DUSP15: variants seen among roughly 807,000 people sequenced by gnomAD.
The protein encoded by DUSP15 is dual specificity protein phosphatase 15.
A neutral mutation model predicts 26.3 loss-of-function variants in DUSP15; 23 were observed. The ratio of observed to expected loss-of-function variants is 0.87; its 90% confidence interval spans 0.63 to 1.24. DUSP15 has a LOEUF of 1.24. Ranked by LOEUF, DUSP15 falls within the 50% of genes most tolerant of loss-of-function variation. The pLI is 0.00. For missense variants in DUSP15, 364 were observed against 320.6 expected, an observed-to-expected ratio of 1.14 and a Z score of -1.03; for synonymous variants, 143 against 135.5, an observed-to-expected ratio of 1.06 and a Z score of -0.39.
At chr20:31,869,348 A>G (rs2062857148) in intron 2 of DUSP15, among the ~76,000 whole-genome samples, 1 of 152,178 alleles carries the variant, frequency 6.6e-6, no homozygotes, top group Non-Finnish European at 1.5e-5. Context: ...TGTCAGTGTC[A>G]GGCCCCCATG....
Position 31,865,005 on chromosome 20 carries a change from G to A in DUSP15, c.139-3C>T, listed in dbSNP as rs2062736270. The A allele has an allele frequency of 6.2e-7, 1 of 1,614,064 alleles. No homozygotes were observed. Among genetic ancestry groups the A allele is most frequent in the Non-Finnish European group, 8.5e-7 (1 of 1,180,002 alleles). ...GGGATGCGAAGGTAGGTGATATCCT[G>A]CAAGTACAAAATACACTCAGGCAGG... On this transcript the variant is annotated splice_region_variant and splice_polypyrimidine_tract_variant and intron_variant, in intron 3 of 6. Transcript: ENST00000339738.
At position 31,870,498 on chromosome 20, in the gene DUSP15, G is replaced by A; in HGVS notation, c.-161C>T. The A allele has an allele frequency of 1.4e-6, 2 of 1,388,972 alleles. No individual in the cohort carries two copies. The highest frequency in any genetic ancestry group is 1.9e-6 in the Non-Finnish European group (2 of 1,075,250). 86.0% of individuals were successfully genotyped at this position (1,388,972 alleles called of 1,614,324 possible). On this transcript the variant is annotated 5_prime_UTR_variant, in exon 1 of 7. Coordinates refer to ENST00000339738, the MANE Select transcript of DUSP15 (RefSeq NM_080611.5). This position sits in a 1 kb window ranked among gnomAD's most constrained non-coding sequence, Gnocchi z 6.6. ...CCAGCCCTGCCCAGCCACCGCCACC[G>A]CCCGCCGACCCCCGGCCCGGGAGGG... is the stretch of plus-strand genomic sequence containing the variant.
At chr20:31,870,602 T>C, upstream of DUSP15, 2 of 1,384,864 alleles carry the variant, frequency 1.4e-6, no homozygotes, top group South Asian at 1.7e-5. The surrounding 1 kb of genome is among the most constrained non-coding windows in gnomAD (Gnocchi z 6.6). Context: ...GGCCCCCGCC[T>C]CGGGTCGCGG....
In DUSP15 at chr20:31,848,697, G is replaced by C. The variant is rs1263693325; in HGVS notation, c.726+109C>G. The C allele has an allele frequency of 4.8e-6, 7 of 1,464,884 alleles. No homozygotes were observed. The South Asian group carries it at 9.3e-5, about 20-fold the overall frequency. The allele number at this position is 1,464,884 out of a possible 1,614,324, so 90.7% of individuals were successfully genotyped here. On this transcript the variant is annotated intron_variant, in intron 9 of 9. Coordinates refer to the DUSP15 transcript ENST00000278979. ...CCAGGTAGGGTCCTACAGACCCGAG[G>C]GTGCTAGAAGTGTCAGAGGCAGAGC...
Position 31,849,878 on chromosome 20 carries a change from T to C in DUSP15, c.492-4A>G, listed in dbSNP as rs747723335. ...AGCCACACGTGCAGCCAGCAGGCTG[T>C]GGGGCGAGAGAGGGTGCACGGGCTG... On this transcript the variant is annotated splice_region_variant and splice_polypyrimidine_tract_variant and intron_variant, in intron 7 of 9. Transcript: ENST00000278979. 1.3e-5 allele frequency: 20 copies of C among 1,492,118 alleles called. No individual in the cohort carries two copies. In the African/African-American group the frequency reaches 2.6e-4, roughly 19 times the overall value. The allele number at this position is 1,492,118 out of a possible 1,614,324, so 92.4% of individuals were successfully genotyped here.
Position 31,870,300 on chromosome 20 carries a change from C to A in DUSP15, c.21+17G>T. The A allele has an allele frequency of 1.6e-6, 2 of 1,236,756 alleles. No individual in the cohort carries two copies. Among genetic ancestry groups the A allele is most frequent in the Non-Finnish European group, 2.0e-6 (2 of 990,478 alleles). 76.6% of individuals were successfully genotyped at this position (1,236,756 alleles called of 1,614,324 possible). A position where few individuals can be genotyped will look rare whatever the true frequency, so the allele number is the denominator to read the frequency against. On this transcript the variant is annotated intron_variant, in intron 1 of 6. Transcript: ENST00000339738. This position sits in a 1 kb window ranked among gnomAD's most constrained non-coding sequence, Gnocchi z 6.6. ...CGGGGCGGGGACCGGGGAGGCTGCG[C>A]GGGGCCCGCCCCCTACCTTGGTCAT...
In DUSP15 at chr20:31,868,726, C is replaced by T. The variant is rs538067232; in HGVS notation, c.55+838G>A. Among the ~76,000 whole-genome samples, 7 of 152,180 alleles carry T rather than the reference C, an allele frequency of 4.6e-5. No homozygotes were observed. In the East Asian group the frequency reaches 1.2e-3, roughly 25 times the overall value. ...AACTCCTGACCTCAGGTGGTCTGCC[C>T]GCCTCCGCCTCCCAAAGTGCTGGGA... On this transcript the variant is annotated intron_variant, in intron 2 of 6. Coordinates refer to ENST00000339738, the MANE Select transcript of DUSP15 (RefSeq NM_080611.5).
intron 6 of DUSP15, among the ~76,000 whole-genome samples, chr20:31,853,398 A>T (rs1282653868): frequency 2.6e-5 from 4 of 152,206 alleles, no homozygotes; most frequent in African/African-American, 7.2e-5. Context: ...AGATGATTTT[A>T]AAAACCACAG....
At chr20:31,846,145 GACACAC>G (rs1377579163), downstream of DUSP15, among the ~76,000 whole-genome samples, 1 of 129,772 alleles carries the variant, frequency 7.7e-6, no homozygotes. Context: ...CACACACACA[GACACAC>G]ACACACAGAC....
At chr20:31,868,242 T>A (rs2062816873) in intron 2 of DUSP15, among the ~76,000 whole-genome samples, 5 of 152,266 alleles carry the variant, frequency 3.3e-5, no homozygotes, top group Middle Eastern at 3.4e-3. Context: ...CCTGCACACT[T>A]ACAGAGGGTT....
At position 31,862,581 on chromosome 20, in the gene DUSP15, C is replaced by T. The variant is rs770925611; in HGVS notation, c.425G>A (p.Ser142Asn). The change falls in exon 6 of 7, where the codon AGT becomes AAT. Residue 142 changes from serine (S) to asparagine (N), a missense_variant. Ser to Asn is a conservative substitution (Grantham distance 46, BLOSUM62 1). Transcript: ENST00000339738. Reference sequence around the variant, plus strand: ...TGACCCCATCCCTACCTTCTGGGAACTGGCCCAGCCAAACTCTTCAAGCTG... The same window carrying T: ...TGACCCCATCCCTACCTTCTGGGAATTGGCCCAGCCAAACTCTTCAAGCTG... Reference protein sequence around the residue: ...RQQLEEFGWASSQKLRRQLEE... With the variant: ...RQQLEEFGWANSQKLRRQLEE... 5 of 1,609,652 alleles carry T rather than the reference C, an allele frequency of 3.1e-6. No individual in the cohort carries two copies. Among genetic ancestry groups the T allele is most frequent in the South Asian group, 1.1e-5 (1 of 90,536 alleles).
intron 2 of DUSP15, among the ~76,000 whole-genome samples, 200 bp downstream of exon 2, chr20:31,869,364 T>A (rs1470329772): frequency 6.6e-6 from 1 of 152,178 alleles, no homozygotes; most frequent in Non-Finnish European, 1.5e-5. Flanking sequence ...CCATGCTCCC[T>A]CCATGTCCCT....
chr20:31,861,355 C>A lies in DUSP15; in HGVS notation c.*48G>T, dbSNP rs1474975326. ...GGGGGCGTGGAAGGCGCAGACAGCC[C>A]CCGAAGGGAGCCAGTCGGAAGTGGG... On this transcript the variant is annotated 3_prime_UTR_variant, in exon 7 of 7. Coordinates refer to ENST00000339738, the MANE Select transcript of DUSP15 (RefSeq NM_080611.5). 8.2e-6 allele frequency: 12 copies of A among 1,469,306 alleles called. No individual in the cohort carries two copies. Among genetic ancestry groups the A allele is most frequent in the Middle Eastern group, 1.9e-4 (1 of 5,360 alleles). The allele number at this position is 1,469,306 out of a possible 1,614,324, so 91.0% of individuals were successfully genotyped here. A position where few individuals can be genotyped will look rare whatever the true frequency, so the allele number is the denominator to read the frequency against.
chr20:31,854,569 C>G (rs566353008), intron 6 of DUSP15, among the ~76,000 whole-genome samples: 1 of 152,282 alleles, frequency 6.6e-6, no homozygotes, highest in South Asian at 2.1e-4. Flanking sequence ...CCCTGGCACA[C>G]AGGACACCCC....
At chr20:31,860,689 T>C (rs530288245), downstream of DUSP15, among the ~76,000 whole-genome samples, 43 of 152,254 alleles carry the variant, frequency 2.8e-4, no homozygotes, top group Non-Finnish European at 5.7e-4. Flanking sequence ...AAGGTCAGGA[T>C]GAGGGAGGCG....
intron 6 of DUSP15, among the ~76,000 whole-genome samples, chr20:31,861,950 G>C (rs778005234): frequency 5.9e-5 from 9 of 151,762 alleles, no homozygotes; most frequent in Admixed American, 1.3e-4. Flanking sequence ...TGACCCCCAG[G>C]CGCCCAGCGG....
At position 31,865,003 on chromosome 20, in the gene DUSP15, C is replaced by G; in HGVS notation, c.139-1G>C. On this transcript the variant is annotated splice_acceptor_variant, in intron 3 of 6. Coordinates refer to ENST00000339738, the MANE Select transcript of DUSP15 (RefSeq NM_080611.5). LOFTEE classifies it high-confidence loss of function. ...CCGGGATGCGAAGGTAGGTGATATC[C>G]TGCAAGTACAAAATACACTCAGGCA... is the stretch of plus-strand genomic sequence containing the variant. 6.2e-7 allele frequency: 1 copy of G among 1,614,148 alleles called. No homozygotes were observed. Among genetic ancestry groups the G allele is most frequent in the South Asian group, 1.1e-5 (1 of 91,062 alleles).
At chr20:31,860,917 G>A (rs1165841112), downstream of DUSP15, 47 of 911,200 alleles carry the variant, frequency 5.2e-5, no homozygotes, top group Non-Finnish European at 5.8e-5. Flanking sequence ...GCAGACTGCA[G>A]TTGCGGGAGG....
chr20:31,853,683 C>T (rs1450229990), intron 6 of DUSP15, among the ~76,000 whole-genome samples: 1 of 151,140 alleles, frequency 6.6e-6, no homozygotes, highest in African/African-American at 2.4e-5. Context: ...CTCACTGCAA[C>T]CTCGACCTCC....
Sources: gnomAD v4.1 joint callset for allele counts (sites outside exome capture counted in the v4.1 genomes callset) on GRCh38, gnomAD v4.1.1 for gene constraint, Gnocchi (gnomAD v3.1) non-coding constraint, MANE v1.5 for transcripts, NCBI Gene and HGNC (gene_info 2026-07-23, HGNC 2026-07-21) for gene names.